FLNB: variants seen among roughly 807,000 people sequenced by gnomAD.
The protein encoded by FLNB is filamin B, also known as filamin-B.
A neutral mutation model predicts 250.6 loss-of-function variants in FLNB; 111 were observed. That is an observed-to-expected ratio of 0.44 (90% CI 0.38 to 0.52). The LOEUF (loss-of-function observed/expected upper bound fraction) is 0.52. Among genes scored for constraint, FLNB ranks in the 20% least tolerant of loss-of-function variants. The probability of loss-of-function intolerance (pLI) is 0.00; values close to 1 mark genes in which losing one functional copy is unlikely to be tolerated. For synonymous variants in FLNB, 1,302 were observed against 1,372.1 expected (o/e 0.95, Z 1.13); for missense variants, 2,869 against 3,447.8 (o/e 0.83, Z 4.20).
At chr3:58,075,389 T>C (rs143787059) in intron 1 of FLNB, among the ~76,000 whole-genome samples, 596 of 152,214 alleles carry the variant, frequency 3.9e-3, no homozygotes, top group African/African-American at 0.014. Flanking sequence ...CACAGGAGGA[T>C]GGGTGAAGGT....
chr3:58,118,134 C>T (rs887247555), intron 18 of FLNB, among the ~76,000 whole-genome samples: 1 of 152,346 alleles, frequency 6.6e-6, no homozygotes, highest in African/African-American at 2.4e-5. Flanking sequence ...AGAGAAATGG[C>T]GCACACATGG....
At chr3:58,042,744 C>G (rs1414247496) in intron 1 of FLNB, among the ~76,000 whole-genome samples, 6 of 152,022 alleles carry the variant, frequency 3.9e-5, no homozygotes, top group Admixed American at 3.3e-4. Flanking sequence ...GTCTCGAACT[C>G]CTGGGGTCAA....
At position 58,109,613 on chromosome 3, in the gene FLNB, A is replaced by G. The variant is rs768861338; in HGVS notation, c.2237A>G (p.Lys746Arg). ...CAAGGTAGCCATCCTCAGAAGGTCA[A>G]AGTGTTTGGGCCAGGTGTGGAGAGA... ...IGQGSHPQKVKVFGPGVERSG... is the reference protein window; with the variant it reads ...IGQGSHPQKVRVFGPGVERSG... The change falls in exon 15 of 46, where the codon AAA becomes AGA. Residue 746 changes from lysine (K) to arginine (R), a missense_variant. By Grantham distance (26) the Lys-to-Arg change is conservative. Around this residue, in one of 5 missense-constraint regions of FLNB, gnomAD observed 1,348 missense variants for 1,466.7 expected, o/e 0.92. Coordinates refer to ENST00000295956, the MANE Select transcript of FLNB (RefSeq NM_001457.4). 15 of 1,614,180 alleles carry G rather than the reference A, an allele frequency of 9.3e-6. No homozygotes were observed. Among genetic ancestry groups the G allele is most frequent in the Non-Finnish European group, 1.3e-5 (15 of 1,180,028 alleles).
At chr3:58,151,849 G>C (rs2097345632) in intron 38 of FLNB, among the ~76,000 whole-genome samples, 1 of 152,172 alleles carries the variant, frequency 6.6e-6, no homozygotes. Context: ...GTGCATTTCA[G>C]ATGCTGCCAT....
In FLNB at chr3:58,168,596, T is replaced by A; in HGVS notation, c.7355T>A (p.Ile2452Asn). ...CCCATGGCTCCTGGTAACTACCTGATCAGCGTCAAATACGGTGGGCCCAAC... is the reference window on the plus strand; with the variant it reads ...CCCATGGCTCCTGGTAACTACCTGAACAGCGTCAAATACGGTGGGCCCAAC... ...YTPMAPGNYL[I>N]SVKYGGPNHI... The change falls in exon 44 of 46, where the codon ATC becomes AAC. Residue 2452 changes from isoleucine (I) to asparagine (N), a missense_variant. Ile to Asn is a moderately radical substitution (Grantham distance 149). Transcript: ENST00000295956. 1 of 1,614,204 alleles carries A rather than the reference T, an allele frequency of 6.2e-7. No homozygotes were observed. Among genetic ancestry groups the A allele is most frequent in the Non-Finnish European group, 8.5e-7 (1 of 1,180,040 alleles).
chr3:58,165,213 G>A (rs975721072), intron 43 of FLNB: 51 of 152,626 alleles, frequency 3.3e-4, no homozygotes, highest in Non-Finnish European at 6.4e-4. Context: ...GGCTCATGCC[G>A]CTGTGCCTGG....
intron 4 of FLNB, among the ~76,000 whole-genome samples, chr3:58,086,565 A>G (rs1273093821): frequency 6.6e-6 from 1 of 151,958 alleles, no homozygotes; most frequent in Non-Finnish European, 1.5e-5. Flanking sequence ...GTTCTTTATA[A>G]TTTTTACCTT....
chr3:58,073,979 C>A, intron 1 of FLNB, among the ~76,000 whole-genome samples: 1 of 152,188 alleles, frequency 6.6e-6, no homozygotes, highest in Admixed American at 6.5e-5. Flanking sequence ...CTCCTGTCTG[C>A]TAAAGTGGAG....
At chr3:58,149,749 A>C in intron 36 of FLNB, 101 bp from the exon 37 acceptor site, 2 of 1,464,960 alleles carry the variant, frequency 1.4e-6, no homozygotes, top group Non-Finnish European at 9.5e-7. Context: ...GCTATGTAGA[A>C]ATAGATTGAG....
intron 4 of FLNB, among the ~76,000 whole-genome samples, chr3:58,091,581 A>G (rs1430280577): frequency 6.6e-6 from 1 of 152,186 alleles, no homozygotes; most frequent in African/African-American, 2.4e-5. Flanking sequence ...TTTGAGATCT[A>G]GAGCTAGGCA....
chr3:58,064,184 A>G (rs1240638311), intron 1 of FLNB, among the ~76,000 whole-genome samples: 2 of 152,204 alleles, frequency 1.3e-5, no homozygotes, highest in African/African-American at 4.8e-5. Context: ...CTTGTCACCT[A>G]GGCTGGAGTG....
At position 58,109,610 on chromosome 3, in the gene FLNB, T is replaced by G. The variant is rs2097265116; in HGVS notation, c.2234T>G (p.Val745Gly). Residue 745 changes from valine to glycine, a missense_variant, in exon 15 of 46, where the codon GTC (valine) becomes GGC (glycine). Val to Gly is a moderately radical substitution (Grantham distance 109, BLOSUM62 -3). Transcript: ENST00000295956. Reference protein sequence around the residue: ...NIGQGSHPQKVKVFGPGVERS... With the variant: ...NIGQGSHPQKGKVFGPGVERS... ...GGGCAAGGTAGCCATCCTCAGAAGG[T>G]CAAAGTGTTTGGGCCAGGTGTGGAG... is the stretch of plus-strand genomic sequence containing the variant. The G allele has an allele frequency of 6.2e-7, 1 of 1,614,178 alleles. No homozygotes were observed. Among genetic ancestry groups the G allele is most frequent in the East Asian group, 2.2e-5 (1 of 44,870 alleles).
intron 1 of FLNB, among the ~76,000 whole-genome samples, chr3:58,047,450 A>G (rs2097155859): frequency 6.6e-6 from 1 of 152,124 alleles, no homozygotes; most frequent in African/African-American, 2.4e-5. Context: ...ACTCTTATAG[A>G]TAGTATGAAA....
At chr3:58,023,330 A>G (rs1161557550) in intron 1 of FLNB, among the ~76,000 whole-genome samples, 1 of 151,790 alleles carries the variant, frequency 6.6e-6, no homozygotes, top group Non-Finnish European at 1.5e-5. Context: ...TGATCCACCT[A>G]CCTGGCCCTC....
chr3:58,130,831 G>A lies in FLNB; in HGVS notation c.4313G>A (p.Arg1438His), dbSNP rs199590811. 107 of 1,613,574 alleles carry A rather than the reference G, an allele frequency of 6.6e-5. No individual in the cohort carries two copies. Among genetic ancestry groups the A allele is most frequent in the Non-Finnish European group, 8.6e-5 (101 of 1,179,854 alleles). The change falls in exon 25 of 46, where the codon CGT (arginine) becomes CAT (histidine). Residue 1438 changes from arginine to histidine, a missense_variant. Physicochemically the swap from Arg to His is conservative, Grantham distance 29. This residue lies in a region of FLNB where 1,348 missense variants were observed against 1,466.7 expected (regional missense o/e 0.92). Coordinates refer to ENST00000295956, the MANE Select transcript of FLNB (RefSeq NM_001457.4). Reference protein sequence around the residue: ...GPGLGSGVRARVLQSFTVDSS... With the variant: ...GPGLGSGVRAHVLQSFTVDSS... Reference sequence around the variant, plus strand: ...GGGCTGGGCTCAGGCGTCCGAGCCCGTGTCCTGCAGTCCTTCACGGTGGAC... The same window carrying A: ...GGGCTGGGCTCAGGCGTCCGAGCCCATGTCCTGCAGTCCTTCACGGTGGAC...
At chr3:58,158,033 G>A (rs1186982503) in intron 41 of FLNB, among the ~76,000 whole-genome samples, 1 of 146,066 alleles carries the variant, frequency 6.8e-6, no homozygotes, top group East Asian at 2.2e-4. Context: ...TCTGGTGCTG[G>A]TTAGCAAAGA....
At chr3:58,126,798 T>C in intron 24 of FLNB, 36 bp downstream of exon 24, 6 of 1,601,196 alleles carry the variant, frequency 3.7e-6, no homozygotes, top group Non-Finnish European at 5.1e-6. Context: ...CAGAGAATAA[T>C]TGATTTTGCA....
chr3:58,133,659 C>CA (rs199648160), intron 26 of FLNB, among the ~76,000 whole-genome samples: 1,993 of 150,174 alleles, frequency 0.013, 19 homozygotes, highest in African/African-American at 0.027. Context: ...GATATTAATA[C>CA]AAAAAAAAAT....
Position 58,170,789 on chromosome 3 carries a change from G to A in FLNB, c.*27G>A. The A allele has an allele frequency of 6.2e-7, 1 of 1,602,766 alleles. No homozygotes were observed. Among genetic ancestry groups the A allele is most frequent in the Non-Finnish European group, 8.5e-7 (1 of 1,171,254 alleles). On this transcript the variant is annotated 3_prime_UTR_variant, in exon 46 of 46. Coordinates refer to ENST00000295956, the MANE Select transcript of FLNB (RefSeq NM_001457.4). ...ACAGTTTTCTCAAATCCTGGAGAGA[G>A]TTCTTGTGGTTGCTTTTGTTGCTTG...
Sources: allele counts gnomAD v4.1 joint callset (sites outside exome capture counted in the v4.1 genomes callset), GRCh38; gene constraint gnomAD v4.1.1; regional missense constraint gnomAD v4.1.1; transcripts MANE v1.5; gene names NCBI Gene and HGNC (gene_info 2026-07-23, HGNC 2026-07-21).